The following TNFRSF8 variants were observed in gnomAD, a reference collection of about 807,000 sequenced individuals.
TNFRSF8 encodes the protein tumor necrosis factor receptor superfamily member 8.
In TNFRSF8, 26 loss-of-function variants were observed where a neutral mutation model predicts 70.8. That is an observed-to-expected ratio of 0.37 (90% confidence interval 0.27 to 0.51). The LOEUF is 0.51. TNFRSF8 is among the 20% of genes least tolerant of loss of function. TNFRSF8 has a pLI of 0.94. For synonymous variants in TNFRSF8, 356 were observed against 339.2 expected (o/e 1.05, Z -0.54); for missense variants, 720 against 807.9 (o/e 0.89, Z 1.32).
In TNFRSF8 at chr1:12,110,505, G is replaced by A. The variant is rs1160904402; in HGVS notation, c.676+301G>A. Among the ~76,000 whole-genome samples, 1 of 152,222 alleles carries A rather than the reference G, an allele frequency of 6.6e-6. No individual in the cohort carries two copies. The highest frequency in any genetic ancestry group is 6.5e-5 in the Admixed American group (1 of 15,284). ...AGAGGGAAATGGGTCCCACTCTGCT[G>A]TTGTGACACTTGCGACTCAGCTGGC... On this transcript the variant is annotated intron_variant, in intron 6 of 14. Transcript: ENST00000263932. The surrounding 1 kb of genome is among the most constrained non-coding windows in gnomAD (Gnocchi z 4.0).
At chr1:12,070,362 C>T (rs1235163429) in intron 1 of TNFRSF8, among the ~76,000 whole-genome samples, 5 of 152,132 alleles carry the variant, frequency 3.3e-5, no homozygotes, top group South Asian at 2.1e-4. Flanking sequence ...GCCATTCTCT[C>T]GCCTTAGCCT....
At chr1:12,090,145 CATCT>C (rs996999610) in intron 2 of TNFRSF8, among the ~76,000 whole-genome samples, 3 of 147,234 alleles carry the variant, frequency 2.0e-5, no homozygotes, top group Admixed American at 6.7e-5. Context: ...TTTCCCCATC[CATCT>C]ATCTACCCAT....
At chr1:12,114,235 TTATC>T (rs1238764564) in intron 7 of TNFRSF8, among the ~76,000 whole-genome samples, 1 of 152,174 alleles carries the variant, frequency 6.6e-6, no homozygotes. Flanking sequence ...GGGCATAGTA[TTATC>T]TATCTCAGAG....
At chr1:12,103,493 A>G (rs1454316383) in intron 3 of TNFRSF8, among the ~76,000 whole-genome samples, 3 of 152,264 alleles carry the variant, frequency 2.0e-5, no homozygotes, top group South Asian at 2.1e-4. Flanking sequence ...TGTTTGAAAC[A>G]GGGTATCACT....
In TNFRSF8 at chr1:12,126,242, T is replaced by C; in HGVS notation, c.1309+6T>C. The C allele has an allele frequency of 3.1e-6, 5 of 1,613,984 alleles. No individual in the cohort carries two copies. The highest frequency in any genetic ancestry group is 4.2e-6 in the Non-Finnish European group (5 of 1,179,980). Reference sequence around the variant, plus strand: ...GCCCAAGCTAGAGCTTGTGGGTGAGTGTCCAGCCGTCCAAAGGGGCTGCCC... The same window carrying C: ...GCCCAAGCTAGAGCTTGTGGGTGAGCGTCCAGCCGTCCAAAGGGGCTGCCC... On this transcript the variant is annotated splice_donor_region_variant and intron_variant, in intron 12 of 14. Coordinates refer to ENST00000263932, the MANE Select transcript of TNFRSF8 (RefSeq NM_001243.5).
intron 4 of TNFRSF8, among the ~76,000 whole-genome samples, chr1:12,105,197 G>A (rs1224729077): frequency 6.6e-6 from 1 of 152,132 alleles, no homozygotes; most frequent in African/African-American, 2.4e-5. Context: ...GAGCCGGGGA[G>A]ATGGGCTCAG....
intron 3 of TNFRSF8, among the ~76,000 whole-genome samples, chr1:12,102,444 G>A (rs192934673): frequency 1.3e-5 from 2 of 152,250 alleles, no homozygotes; most frequent in Admixed American, 6.5e-5. Context: ...AGTTGTCTTC[G>A]TTTCTGATCT....
chr1:12,105,662 G>C (rs1641509870), intron 4 of TNFRSF8, among the ~76,000 whole-genome samples: 1 of 152,086 alleles, frequency 6.6e-6, no homozygotes, highest in South Asian at 2.1e-4. Context: ...ACAAGGCCAG[G>C]TGTGGTGGCT....
rs1278044430 is a variant in TNFRSF8, at chr1:12,108,674, G to A, written c.422-892G>A. Among the ~76,000 whole-genome samples, 10 of 152,234 alleles carry A rather than the reference G, an allele frequency of 6.6e-5. No individual in the cohort carries two copies. Among genetic ancestry groups the A allele is most frequent in the African/African-American group, 9.6e-5 (4 of 41,552 alleles). On this transcript the variant is annotated intron_variant, in intron 4 of 14. Coordinates refer to ENST00000263932, the MANE Select transcript of TNFRSF8 (RefSeq NM_001243.5). This position sits in a 1 kb window ranked among gnomAD's most constrained non-coding sequence, Gnocchi z 4.0. ...TGTCTCTACTAAAAATTAGCCGGGC[G>A]TGGTTGCAGGCACCTGTAATCCCAG...
intron 1 of TNFRSF8, among the ~76,000 whole-genome samples, chr1:12,069,170 CTTTTTTTTTTTTTTTT>C (rs57009728): frequency 1.9e-5 from 1 of 53,548 alleles, no homozygotes; most frequent in Non-Finnish European, 3.2e-5. Context: ...TGCACCCGGC[CTTTTTTTTTTTTTTTT>C]TTTTTTTTTT....
At chr1:12,094,000 A>G (rs1168752932) in intron 2 of TNFRSF8, among the ~76,000 whole-genome samples, 2 of 147,234 alleles carry the variant, frequency 1.4e-5, no homozygotes, top group African/African-American at 5.0e-5. Context: ...CGGAGGTTGC[A>G]GTGAGCTGAG....
chr1:12,107,069 C>T (rs535848760), intron 4 of TNFRSF8, among the ~76,000 whole-genome samples: 1 of 152,320 alleles, frequency 6.6e-6, no homozygotes, highest in Non-Finnish European at 1.5e-5. Flanking sequence ...AATGCAGTGC[C>T]CCTGGCCCGT....
intron 1 of TNFRSF8, among the ~76,000 whole-genome samples, chr1:12,077,714 C>A (rs1640990066): frequency 6.6e-6 from 1 of 152,112 alleles, no homozygotes; most frequent in African/African-American, 2.4e-5. Flanking sequence ...ATTTAGGGAC[C>A]AGTGCAGGCA....
Position 12,138,245 on chromosome 1 carries a change from C to T in TNFRSF8, c.1352C>T (p.Ala451Val), listed in dbSNP as rs756257010. The T allele has an allele frequency of 4.5e-5, 72 of 1,613,398 alleles. No homozygotes were observed. Among genetic ancestry groups the T allele is most frequent in the South Asian group, 4.2e-4 (38 of 91,072 alleles). ...RRSSTQLRSG[A>V]SVTEPVAEER... ...GTCCCACAGCAGCTGAGGAGTGGTG[C>T]GTCGGTGACAGAACCCGTCGCGGAA... The change falls in exon 14 of 15, where the codon GCG becomes GTG. Residue 451 changes from alanine to valine, a missense_variant. Physicochemically the swap from Ala to Val is moderately conservative, Grantham distance 64 (BLOSUM62 0). Transcript: ENST00000263932. This position sits in a 1 kb window ranked among gnomAD's most constrained non-coding sequence, Gnocchi z 5.7.
At chr1:12,139,283 AC>A (rs1247050339) in intron 14 of TNFRSF8, among the ~76,000 whole-genome samples, 8 of 151,824 alleles carry the variant, frequency 5.3e-5, no homozygotes, top group African/African-American at 1.9e-4. Flanking sequence ...CTACCTTCTG[AC>A]CCCACAGTCT....
chr1:12,069,469 C>T (rs1415723080), intron 1 of TNFRSF8, among the ~76,000 whole-genome samples: 2 of 152,078 alleles, frequency 1.3e-5, no homozygotes, highest in East Asian at 1.9e-4. Flanking sequence ...GGTGAGCCAC[C>T]ACGCCTGGCC....
intron 4 of TNFRSF8, among the ~76,000 whole-genome samples, chr1:12,105,543 TCTCTCTCA>T (rs938365305): frequency 2.9e-5 from 4 of 138,832 alleles, no homozygotes; most frequent in Non-Finnish European, 6.1e-5. Context: ...TCTCTCTCTC[TCTCTCTCA>T]CTCACTCACT....
At chr1:12,076,234 G>T (rs970292474) in intron 1 of TNFRSF8, among the ~76,000 whole-genome samples, 12 of 151,610 alleles carry the variant, frequency 7.9e-5, no homozygotes, top group African/African-American at 2.9e-4. Context: ...CCGAGTAGCT[G>T]GAATTACAGG....
intron 8 of TNFRSF8, among the ~76,000 whole-genome samples, chr1:12,122,107 G>A (rs1235637644): frequency 1.3e-5 from 2 of 152,156 alleles, no homozygotes; most frequent in Non-Finnish European, 2.9e-5. Flanking sequence ...CTTCTGGAGG[G>A]ATGAGAATGT....
Sources: gnomAD v4.1 joint callset for allele counts (sites outside exome capture counted in the v4.1 genomes callset) on GRCh38, gnomAD v4.1.1 for gene constraint, Gnocchi (gnomAD v3.1) non-coding constraint, MANE v1.5 for transcripts, NCBI Gene and HGNC (gene_info 2026-07-23, HGNC 2026-07-21) for gene names.